The following PTPDC1 variants were observed in gnomAD, a reference collection of about 807,000 sequenced individuals.
PTPDC1 encodes protein tyrosine phosphatase domain-containing protein 1.
Under a neutral mutation model 75.3 loss-of-function variants are expected in PTPDC1, and 53 were observed. That is an observed-to-expected ratio of 0.70 (90% CI 0.56 to 0.88). The LOEUF (loss-of-function observed/expected upper bound fraction) is 0.88, where lower values mean the gene tolerates loss of function less well. Among genes scored for constraint, PTPDC1 ranks in the 40% least tolerant of loss-of-function variants. The pLI is 0.00. For synonymous variants in PTPDC1, 349 were observed against 366.2 expected (o/e 0.95, Z 0.54); for missense variants, 925 against 998.6 (o/e 0.93, Z 0.99).
At chr9:94,034,480 C>G (rs1392913001) in intron 1 of PTPDC1, among the ~76,000 whole-genome samples, 2 of 152,004 alleles carry the variant, frequency 1.3e-5, no homozygotes, top group Non-Finnish European at 2.9e-5. Context: ...TGCAGTGAGC[C>G]GAGATCATGC....
Position 94,108,976 on chromosome 9 carries a change from A to C in PTPDC1, c.*1032A>C, listed in dbSNP as rs1587921415. ...ATGAGCAGCGTGGCCCTGGCCCCAC[A>C]CTCCCAAATCTGCCACTCCATAGAC... On this transcript the variant is annotated 3_prime_UTR_variant, in exon 9 of 9. Coordinates refer to ENST00000620992, the MANE Select transcript of PTPDC1 (RefSeq NM_001253829.2). The C allele has an allele frequency of 6.6e-6, 1 of 152,214 alleles. No individual in the cohort carries two copies. Among genetic ancestry groups the C allele is most frequent in the South Asian group, 2.1e-4 (1 of 4,818 alleles). 9.4% of individuals were successfully genotyped at this position (152,214 alleles called of 1,614,324 possible).
chr9:94,096,184 C>T (rs1040073720), intron 5 of PTPDC1, among the ~76,000 whole-genome samples: 2 of 152,250 alleles, frequency 1.3e-5, no homozygotes, highest in Admixed American at 6.5e-5. Context: ...GATCCAACCA[C>T]ATGCAGCTCA....
chr9:94,041,376 T>G (rs1237179341), intron 1 of PTPDC1, among the ~76,000 whole-genome samples: 1 of 152,200 alleles, frequency 6.6e-6, no homozygotes, highest in Non-Finnish European at 1.5e-5. Flanking sequence ...TGCTAATTAC[T>G]TGCAGATTTT....
intron 4 of PTPDC1, among the ~76,000 whole-genome samples, chr9:94,091,509 A>G (rs1409588661): frequency 1.3e-4 from 20 of 152,102 alleles, no homozygotes; most frequent in Non-Finnish European, 1.6e-4. Flanking sequence ...GGATTTTTGC[A>G]TCAATGTTCA....
chr9:94,094,797 C>A (rs1270737642), intron 4 of PTPDC1, among the ~76,000 whole-genome samples: 1 of 152,348 alleles, frequency 6.6e-6, no homozygotes, highest in African/African-American at 2.4e-5. Context: ...TTTTTTAAGC[C>A]CGTCCGAAAA....
At chr9:94,037,106 G>C (rs973240608) in intron 1 of PTPDC1, among the ~76,000 whole-genome samples, 1 of 152,194 alleles carries the variant, frequency 6.6e-6, no homozygotes, top group African/African-American at 2.4e-5. Context: ...TTCTCATTTA[G>C]AATCTTGCCT....
intron 2 of PTPDC1, among the ~76,000 whole-genome samples, chr9:94,073,579 C>T (rs1826585826): frequency 6.6e-6 from 1 of 152,100 alleles, no homozygotes; most frequent in Non-Finnish European, 1.5e-5. Flanking sequence ...TGTTGTTTTC[C>T]ATTTTTAATC....
intron 1 of PTPDC1, among the ~76,000 whole-genome samples, chr9:94,036,544 A>G (rs1301906481): frequency 6.6e-6 from 1 of 152,156 alleles, no homozygotes; most frequent in Non-Finnish European, 1.5e-5. Context: ...CATGTTTTAA[A>G]ACCTAACCAT....
intron 1 of PTPDC1, among the ~76,000 whole-genome samples, chr9:94,036,663 T>C (rs973669001): frequency 1.3e-5 from 2 of 152,210 alleles, no homozygotes; most frequent in African/African-American, 4.8e-5. Context: ...AAAAGAATAC[T>C]TCCTCTCTGT....
intron 1 of PTPDC1, among the ~76,000 whole-genome samples, chr9:94,064,163 T>A (rs997339952): frequency 6.6e-6 from 1 of 152,220 alleles, no homozygotes; most frequent in Non-Finnish European, 1.5e-5. Flanking sequence ...AATGTTGAGA[T>A]CATCTTTATT....
intron 6 of PTPDC1, chr9:94,098,782 T>C: frequency 1.7e-6 from 1 of 587,308 alleles, no homozygotes; most frequent in South Asian, 2.0e-5. Context: ...TTCATTTAAA[T>C]CTGCATACTC....
intron 1 of PTPDC1, among the ~76,000 whole-genome samples, chr9:94,034,627 T>C (rs1396675290): frequency 6.6e-6 from 1 of 152,212 alleles, no homozygotes; most frequent in African/African-American, 2.4e-5. Context: ...GTTTTACAGT[T>C]TATCCAAGGG....
At chr9:94,049,902 T>A (rs1426754738) in intron 1 of PTPDC1, among the ~76,000 whole-genome samples, 1 of 152,232 alleles carries the variant, frequency 6.6e-6, no homozygotes, top group Non-Finnish European at 1.5e-5. Flanking sequence ...TCTTGGAGGC[T>A]TTGTTCATTT....
upstream of PTPDC1, chr9:94,084,443 G>A (rs763172941): frequency 1.7e-5 from 27 of 1,557,572 alleles, no homozygotes; most frequent in Non-Finnish European, 2.2e-5. Flanking sequence ...CATACAGAAC[G>A]ATGCAATGCT....
chr9:94,101,504 C>A, intron 6 of PTPDC1, 62 bp from the exon 7 acceptor site: 1 of 1,300,056 alleles, frequency 7.7e-7, no homozygotes, highest in Non-Finnish European at 1.1e-6. Context: ...TCAAATGGTG[C>A]ACCTCCCTCT....
intron 4 of PTPDC1, among the ~76,000 whole-genome samples, chr9:94,090,772 G>T (rs1378758095): frequency 7.8e-6 from 1 of 127,910 alleles, no homozygotes; most frequent in Non-Finnish European, 1.6e-5. Flanking sequence ...GTGGTTTGTA[G>T]TTCTCCTTGA....
chr9:94,067,765 C>A (rs949431626), intron 2 of PTPDC1, among the ~76,000 whole-genome samples: 1 of 152,092 alleles, frequency 6.6e-6, no homozygotes, highest in African/African-American at 2.4e-5. Flanking sequence ...CCATGCCTGG[C>A]TAATTTTTGT....
chr9:94,086,501 A>T (rs1246124519), intron 2 of PTPDC1, among the ~76,000 whole-genome samples: 1 of 152,118 alleles, frequency 6.6e-6, no homozygotes, highest in Non-Finnish European at 1.5e-5. Flanking sequence ...GAAAGGTGTC[A>T]TTTTGGATCC....
At chr9:94,107,227 T>C (rs1336712164) in intron 8 of PTPDC1, among the ~76,000 whole-genome samples, 1 of 152,220 alleles carries the variant, frequency 6.6e-6, no homozygotes, top group Non-Finnish European at 1.5e-5. Context: ...GTGCTGGGAT[T>C]ACAGGCATGA....
Sources: allele counts gnomAD v4.1 joint callset (sites outside exome capture counted in the v4.1 genomes callset), GRCh38; gene constraint gnomAD v4.1.1; transcripts MANE v1.5; gene names NCBI Gene and HGNC (gene_info 2026-07-23, HGNC 2026-07-21).